The following RASGEF1C variants were observed in gnomAD, a reference collection of about 807,000 sequenced individuals.
RASGEF1C encodes ras-GEF domain-containing family member 1C.
RASGEF1C carries 27 observed loss-of-function variants against 58.1 expected under a neutral mutation model. The observed-to-expected ratio is 0.46, with a 90% CI of 0.34 to 0.64. The LOEUF is 0.64. RASGEF1C is among the 30% of genes least tolerant of loss of function. RASGEF1C has a pLI of 0.01. For missense variants in RASGEF1C, 502 were observed against 605.1 expected (o/e 0.83, Z 1.79); for synonymous variants, 243 against 246.3 (o/e 0.99, Z 0.13).
At chr5:180,174,703 G>A (rs775085768) in intron 1 of RASGEF1C, among the ~76,000 whole-genome samples, 9 of 152,174 alleles carry the variant, frequency 5.9e-5, no homozygotes, top group Non-Finnish European at 1.3e-4. Context: ...AATCCTGGGT[G>A]CAGGCCCCTC....
intron 1 of RASGEF1C, among the ~76,000 whole-genome samples, chr5:180,206,811 T>C (rs1756497386): frequency 6.6e-6 from 1 of 152,208 alleles, no homozygotes; most frequent in African/African-American, 2.4e-5. Flanking sequence ...AGGACATACT[T>C]CTAACTGAAG....
chr5:180,159,892 G>A (rs1187731602), intron 1 of RASGEF1C, among the ~76,000 whole-genome samples: 4 of 152,248 alleles, frequency 2.6e-5, no homozygotes, highest in Non-Finnish European at 2.9e-5. Flanking sequence ...ACTGGAGGCC[G>A]AGCAGATGAA....
chr5:180,196,384 C>G (rs1756278173), intron 1 of RASGEF1C, among the ~76,000 whole-genome samples: 1 of 151,866 alleles, frequency 6.6e-6, no homozygotes, highest in Non-Finnish European at 1.5e-5. Context: ...GACTGTAATA[C>G]CAGCTACTCA....
chr5:180,202,911 C>G (rs1026019973), intron 1 of RASGEF1C, among the ~76,000 whole-genome samples: 1 of 151,922 alleles, frequency 6.6e-6, no homozygotes, highest in Non-Finnish European at 1.5e-5. Context: ...ACCGTGTTAG[C>G]CAGGATGGTC....
At position 180,101,394 on chromosome 5, in the gene RASGEF1C, G is replaced by A; in HGVS notation, c.*107C>T. On this transcript the variant is annotated 3_prime_UTR_variant, in exon 14 of 14. Coordinates refer to ENST00000361132, the MANE Select transcript of RASGEF1C (RefSeq NM_175062.4). Reference sequence around the variant, plus strand: ...GCAGCAGGCCACAGGGTCGGCATTTGCAAAATAGTGAGGCACTCCCTGGCC... The same window carrying A: ...GCAGCAGGCCACAGGGTCGGCATTTACAAAATAGTGAGGCACTCCCTGGCC... 1 of 1,359,576 alleles carries A rather than the reference G, an allele frequency of 7.4e-7. No individual in the cohort carries two copies. Among genetic ancestry groups the A allele is most frequent in the Non-Finnish European group, 1.0e-6 (1 of 977,636 alleles). The allele number at this position is 1,359,576 out of a possible 1,614,324, so 84.2% of individuals were successfully genotyped here.
At chr5:180,138,791 T>G (rs1766530110) in intron 1 of RASGEF1C, among the ~76,000 whole-genome samples, 1 of 152,166 alleles carries the variant, frequency 6.6e-6, no homozygotes, top group Admixed American at 6.5e-5. Context: ...AGCCACGTTC[T>G]CTCCTCCAAA....
chr5:180,181,316 G>A (rs1316944682), intron 1 of RASGEF1C, among the ~76,000 whole-genome samples: 1 of 152,188 alleles, frequency 6.6e-6, no homozygotes, highest in Non-Finnish European at 1.5e-5. Flanking sequence ...ATAAATATGT[G>A]GAAAAGAGAT....
chr5:180,207,397 C>A (rs1295481727), intron 1 of RASGEF1C, among the ~76,000 whole-genome samples: 4 of 152,250 alleles, frequency 2.6e-5, no homozygotes, highest in Admixed American at 2.0e-4. Flanking sequence ...CCACACTAAG[C>A]CCGGGTCCCA....
chr5:180,121,414 C>T (rs910143133), intron 6 of RASGEF1C, among the ~76,000 whole-genome samples: 4 of 151,880 alleles, frequency 2.6e-5, no homozygotes, highest in Middle Eastern at 3.4e-3. Flanking sequence ...CCCGGGTTCA[C>T]GCCACTCTCC....
intron 1 of RASGEF1C, among the ~76,000 whole-genome samples, chr5:180,191,483 A>T (rs1017205891): frequency 6.6e-6 from 1 of 152,120 alleles, no homozygotes; most frequent in African/African-American, 2.4e-5. Flanking sequence ...CAGCCTCCCA[A>T]GTAGCTGGGA....
intron 1 of RASGEF1C, among the ~76,000 whole-genome samples, chr5:180,138,887 G>A (rs915869939): frequency 1.3e-5 from 2 of 152,100 alleles, no homozygotes; most frequent in Non-Finnish European, 2.9e-5. Context: ...TATCCCTCCA[G>A]GTATGGCTGA....
intron 1 of RASGEF1C, among the ~76,000 whole-genome samples, chr5:180,196,519 A>C (rs1206555136): frequency 1.3e-5 from 2 of 152,128 alleles, no homozygotes; most frequent in African/African-American, 4.8e-5. Flanking sequence ...AAAAAAGAAA[A>C]AAAAAAAAGA....
At chr5:180,112,582 A>G (rs1361324607) in intron 11 of RASGEF1C, among the ~76,000 whole-genome samples, 1 of 152,020 alleles carries the variant, frequency 6.6e-6, no homozygotes, top group East Asian at 1.9e-4. Flanking sequence ...GGGGCCTCGC[A>G]CCCACTGTGT....
rs1766830791 is a variant in RASGEF1C, at chr5:180,155,226, A to C, written c.-6-17168T>G. 1.3e-5 allele frequency among the ~76,000 whole-genome samples: 2 copies of C among 152,324 alleles called. No individual in the cohort carries two copies. Among genetic ancestry groups the C allele is most frequent in the East Asian group, 3.9e-4 (2 of 5,182 alleles). ...TAGCTCATGTCTGGCTGCCCCGAGC[A>C]GTGGTAGCATCACGTCTAGGCTCTG... is the stretch of plus-strand genomic sequence containing the variant. On this transcript the variant is annotated intron_variant, in intron 1 of 13. Coordinates refer to ENST00000361132, the MANE Select transcript of RASGEF1C (RefSeq NM_175062.4). This position sits in a 1 kb window ranked among gnomAD's most constrained non-coding sequence, Gnocchi z 5.2.
intron 1 of RASGEF1C, 144 bp downstream of exon 1, chr5:180,208,884 G>A (rs1267990565): frequency 1.3e-5 from 2 of 149,008 alleles, no homozygotes; most frequent in Non-Finnish European, 3.0e-5. Context: ...CCCCGCCCCT[G>A]CTGACCCCGG....
intron 10 of RASGEF1C, among the ~76,000 whole-genome samples, chr5:180,114,879 A>G (rs1277473883): frequency 6.6e-6 from 1 of 152,204 alleles, no homozygotes; most frequent in African/African-American, 2.4e-5. Context: ...GCCTTCTGGG[A>G]GGGGCTGGTA....
At chr5:180,181,663 T>C (rs981172089) in intron 1 of RASGEF1C, among the ~76,000 whole-genome samples, 3 of 152,316 alleles carry the variant, frequency 2.0e-5, no homozygotes, top group East Asian at 3.9e-4. Flanking sequence ...AAGGGTTCTA[T>C]TGGGTTCAGA....
chr5:180,207,706 C>T (rs1451275278), intron 1 of RASGEF1C, among the ~76,000 whole-genome samples: 1 of 152,182 alleles, frequency 6.6e-6, no homozygotes, highest in East Asian at 1.9e-4. Flanking sequence ...AACCTGCAAA[C>T]CGCCTGGGGG....
At chr5:180,175,109 T>C (rs539353663) in intron 1 of RASGEF1C, among the ~76,000 whole-genome samples, 2 of 152,180 alleles carry the variant, frequency 1.3e-5, no homozygotes, top group East Asian at 3.9e-4. Flanking sequence ...CCAGCCGCCA[T>C]CCTGGAAGAC....
Sources: allele counts gnomAD v4.1 joint callset (sites outside exome capture counted in the v4.1 genomes callset), GRCh38; gene constraint gnomAD v4.1.1; non-coding constraint Gnocchi (gnomAD v3.1); transcripts MANE v1.5; gene names NCBI Gene and HGNC (gene_info 2026-07-23, HGNC 2026-07-21).